The following CNTN5 variants were observed in gnomAD, a reference collection of about 807,000 sequenced individuals.
CNTN5 encodes contactin-5.
A neutral mutation model predicts 129.1 loss-of-function variants in CNTN5; 77 were observed. The observed-to-expected ratio is 0.60, with a 90% CI of 0.50 to 0.72. The LOEUF (loss-of-function observed/expected upper bound fraction) is 0.72. Among genes scored for constraint, CNTN5 ranks in the 30% least tolerant of loss-of-function variants. The pLI is 0.00. For synonymous variants in CNTN5, 509 were observed against 465.6 expected, an observed-to-expected ratio of 1.09 and a Z score of -1.20; for missense variants, 1,478 against 1,328.8, an observed-to-expected ratio of 1.11 and a Z score of -1.75.
intron 2 of CNTN5, among the ~76,000 whole-genome samples, chr11:99,332,164 A>G (rs1038594319): frequency 6.6e-6 from 1 of 152,148 alleles, no homozygotes; most frequent in Non-Finnish European, 1.5e-5. Flanking sequence ...ACAACTCATT[A>G]TCCCCAAATA....
At chr11:99,820,765 T>A (rs1946776796) in intron 4 of CNTN5, among the ~76,000 whole-genome samples, 1 of 152,242 alleles carries the variant, frequency 6.6e-6, no homozygotes, top group Admixed American at 6.5e-5. Flanking sequence ...TCATAGCTAA[T>A]TTTCATTCAC....
intron 6 of CNTN5, among the ~76,000 whole-genome samples, chr11:99,872,557 A>G (rs1428639867): frequency 1.3e-5 from 2 of 152,126 alleles, no homozygotes; most frequent in Admixed American, 1.3e-4. Context: ...AGAGAAAAGA[A>G]AAGTCCTGCC....
rs754214109 is a variant in CNTN5, at chr11:99,819,583, C to A, written c.95C>A (p.Ala32Asp). ...KSLPGLSTSY[A>D]ALLRIKKSSS... ...CTTCCTGGTCTCTCCACTTCATATG[C>A]TGCTTTGTTAAGAATTAAGAAGAGT... The change falls in exon 4 of 25, where the codon GCT becomes GAT. Residue 32 changes from alanine to aspartate, a missense_variant. Physicochemically the swap from Ala to Asp is moderately radical, Grantham distance 126. Transcript: ENST00000524871. 4.3e-6 allele frequency: 7 copies of A among 1,612,820 alleles called. No individual in the cohort carries two copies. Among genetic ancestry groups the A allele is most frequent in the Middle Eastern group, 3.3e-4 (2 of 6,060 alleles).
chr11:99,818,113 T>C (rs1340635482), intron 3 of CNTN5, among the ~76,000 whole-genome samples: 1 of 152,240 alleles, frequency 6.6e-6, no homozygotes, highest in Non-Finnish European at 1.5e-5. Flanking sequence ...CTTTTTGCAT[T>C]CTAAAATATC....
intron 1 of CNTN5, among the ~76,000 whole-genome samples, chr11:99,111,193 T>C (rs1030982703): frequency 6.6e-6 from 1 of 152,080 alleles, no homozygotes; most frequent in African/African-American, 2.4e-5. Flanking sequence ...AAGCGTGGGA[T>C]CTAAGCAGGT....
intron 2 of CNTN5, among the ~76,000 whole-genome samples, chr11:99,439,806 C>A (rs751414561): frequency 5.3e-5 from 8 of 151,480 alleles, no homozygotes; most frequent in Non-Finnish European, 1.2e-4. Flanking sequence ...AAGATACATG[C>A]ATCTTGCCGC....
At chr11:100,089,013 A>G (rs1944655418) in intron 13 of CNTN5, among the ~76,000 whole-genome samples, 1 of 152,126 alleles carries the variant, frequency 6.6e-6, no homozygotes, top group African/African-American at 2.4e-5. Flanking sequence ...ATCTAAAGGC[A>G]CGTCAAAAAG....
At chr11:99,108,034 G>C (rs912812463) in intron 1 of CNTN5, among the ~76,000 whole-genome samples, 2 of 150,752 alleles carry the variant, frequency 1.3e-5, no homozygotes, top group African/African-American at 4.9e-5. Context: ...ACTATGAATC[G>C]TTTGATGTGT....
At chr11:99,113,419 G>A (rs1857894284) in intron 1 of CNTN5, among the ~76,000 whole-genome samples, 1 of 152,000 alleles carries the variant, frequency 6.6e-6, no homozygotes, top group Non-Finnish European at 1.5e-5. Flanking sequence ...CAGTAGTGAG[G>A]AAAGGGGGAG....
At chr11:99,191,752 A>C (rs1348065940) in intron 1 of CNTN5, among the ~76,000 whole-genome samples, 2 of 151,822 alleles carry the variant, frequency 1.3e-5, no homozygotes, top group African/African-American at 4.8e-5. Context: ...AAATTTAAAA[A>C]TATCCTGAGA....
chr11:100,340,344 G>C, intron 21 of CNTN5, 119 bp from the exon 22 acceptor site: 1 of 660,236 alleles, frequency 1.5e-6, no homozygotes, highest in Non-Finnish European at 2.6e-6. Flanking sequence ...GGGTGATATA[G>C]GAGTGATTTC....
At chr11:99,769,830 C>A (rs60925055) in intron 3 of CNTN5, among the ~76,000 whole-genome samples, 1,727 of 129,950 alleles carry the variant, frequency 0.013, 39 homozygotes, top group African/African-American at 0.043. Context: ...AAAAAAAAAA[C>A]AATCTGATTT....
intron 2 of CNTN5, among the ~76,000 whole-genome samples, chr11:99,519,160 C>T (rs1947174090): frequency 6.6e-6 from 1 of 151,990 alleles, no homozygotes; most frequent in Non-Finnish European, 1.5e-5. Context: ...TAGACTGCTC[C>T]AGTAAGTGTA....
At chr11:99,749,697 C>T (rs1230529577) in intron 3 of CNTN5, among the ~76,000 whole-genome samples, 1 of 152,098 alleles carries the variant, frequency 6.6e-6, no homozygotes, top group African/African-American at 2.4e-5. Flanking sequence ...ATAGAATTTT[C>T]TCATGTGGGT....
intron 9 of CNTN5, among the ~76,000 whole-genome samples, chr11:100,028,056 C>T (rs762712411): frequency 6.6e-6 from 1 of 151,828 alleles, no homozygotes; most frequent in Non-Finnish European, 1.5e-5. Flanking sequence ...TTTACCTGTC[C>T]TTATTTGAAT....
Position 100,212,126 on chromosome 11 carries a change from G to A in CNTN5, c.1885-12566G>A, listed in dbSNP as rs182864367. On this transcript the variant is annotated intron_variant, in intron 15 of 24. Transcript: ENST00000524871. ...CCTGGGCAGATTTACATATGAATGG[G>A]AATATTTTTATAATTGTTTTATAAA... Among the ~76,000 whole-genome samples, 1,453 of 152,036 alleles carry A rather than the reference G, an allele frequency of 9.6e-3. 27 individuals carry two copies. The highest frequency in any genetic ancestry group is 0.033 in the African/African-American group (1,362 of 41,508).
At chr11:99,934,319 T>C (rs1371319545) in intron 7 of CNTN5, among the ~76,000 whole-genome samples, 1 of 152,218 alleles carries the variant, frequency 6.6e-6, no homozygotes, top group Non-Finnish European at 1.5e-5. Flanking sequence ...GCTATATCTT[T>C]ACAGTTTCTA....
At chr11:100,034,144 C>T (rs1281019950) in intron 9 of CNTN5, among the ~76,000 whole-genome samples, 2 of 152,154 alleles carry the variant, frequency 1.3e-5, no homozygotes, top group Non-Finnish European at 2.9e-5. Flanking sequence ...CTCAGCAGAG[C>T]TCACTCTCAA....
chr11:99,441,855 T>A (rs180889067), intron 2 of CNTN5, among the ~76,000 whole-genome samples: 53 of 152,300 alleles, frequency 3.5e-4, no homozygotes, highest in Non-Finnish European at 1.5e-5. Flanking sequence ...ATTTTTAATA[T>A]ATTTTGAGAT....
Sources: gnomAD v4.1 joint callset for allele counts (sites outside exome capture counted in the v4.1 genomes callset) on GRCh38, gnomAD v4.1.1 for gene constraint, MANE v1.5 for transcripts, NCBI Gene and HGNC (gene_info 2026-07-23, HGNC 2026-07-21) for gene names.